DDX46: variants seen among roughly 807,000 people sequenced by gnomAD.
DDX46 encodes the protein probable ATP-dependent RNA helicase DDX46.
DDX46 carries 30 observed loss-of-function variants against 134.9 expected under a neutral mutation model. That is an observed-to-expected ratio of 0.22 (90% CI 0.17 to 0.30). DDX46 has a LOEUF of 0.30. Ranked by LOEUF, DDX46 falls within the 10% of genes least tolerant of loss-of-function variation. The pLI is 1.00. For synonymous variants in DDX46, 415 were observed against 404.1 expected (o/e 1.03, Z -0.32); for missense variants, 622 against 1,248.7 (o/e 0.50, Z 7.56).
chr5:134,789,653 C>T (rs1754446685), intron 12 of DDX46, among the ~76,000 whole-genome samples: 1 of 151,318 alleles, frequency 6.6e-6, no homozygotes, highest in Middle Eastern at 3.4e-3. Context: ...TTAATTTTAC[C>T]TTTTTCTCTT....
intron 12 of DDX46, 143 bp from the exon 13 acceptor site, chr5:134,790,327 T>C (rs555025229): frequency 2.9e-6 from 2 of 695,420 alleles, no homozygotes; most frequent in Admixed American, 2.9e-5. Flanking sequence ...TCTTTTCACT[T>C]TTTAAAGATA....
chr5:134,811,635 A>G (rs1292902791), intron 17 of DDX46, 61 bp from the exon 18 acceptor site: 1 of 1,507,642 alleles, frequency 6.6e-7, no homozygotes, highest in African/African-American at 1.4e-5. Context: ...TTTAATTAGT[A>G]TGAATTCCTA....
At chr5:134,797,250 T>A in intron 15 of DDX46, 1 of 238,138 alleles carries the variant, frequency 4.2e-6, no homozygotes, top group Non-Finnish European at 8.3e-6. Context: ...AACTAAGTGT[T>A]CTGGCTATCA....
chr5:134,765,144 C>G (rs778360902), intron 2 of DDX46, among the ~76,000 whole-genome samples: 1 of 150,668 alleles, frequency 6.6e-6, no homozygotes, highest in Non-Finnish European at 1.5e-5. Flanking sequence ...TCTAGGCTCA[C>G]TGGAACCTCT....
At chr5:134,771,914 T>C (rs1444072963) in intron 4 of DDX46, among the ~76,000 whole-genome samples, 1 of 152,160 alleles carries the variant, frequency 6.6e-6, no homozygotes, top group African/African-American at 2.4e-5. Context: ...CATTATCAAT[T>C]GCCTTCCAAA....
chr5:134,778,966 G>A (rs949691499), intron 6 of DDX46, among the ~76,000 whole-genome samples: 2 of 151,748 alleles, frequency 1.3e-5, no homozygotes, highest in African/African-American at 2.4e-5. Context: ...GTGTAATCTC[G>A]GCTCACTGCA....
At chr5:134,805,210 G>A (rs1230656913) in intron 15 of DDX46, 4 of 164,086 alleles carry the variant, frequency 2.4e-5, no homozygotes, top group Non-Finnish European at 5.2e-5. Flanking sequence ...TTGCTCTGTC[G>A]CCCAGGCTGG....
intron 15 of DDX46, among the ~76,000 whole-genome samples, chr5:134,803,869 G>A (rs547290536): frequency 2.7e-5 from 4 of 149,418 alleles, no homozygotes; most frequent in African/African-American, 7.4e-5. Context: ...TATCCTATGC[G>A]TAAGCCTCAT....
In DDX46 at chr5:134,784,774, C is replaced by T. The variant is rs928810350; in HGVS notation, c.1342+233C>T. On this transcript the variant is annotated intron_variant, in intron 10 of 22. Transcript: ENST00000452510. ...AAAAACAGCCTCTCCTGGCACAGCT[C>T]AGTTTTTAAACTCTGACTTGGCAGG... The T allele has an allele frequency of 9.4e-5, 25 of 265,736 alleles. No individual in the cohort carries two copies. The Admixed American group carries it at 1.2e-3, about 12-fold the overall frequency. 16.5% of individuals were successfully genotyped at this position (265,736 alleles called of 1,614,324 possible). A position where few individuals can be genotyped will look rare whatever the true frequency, so the allele number is the denominator to read the frequency against.
intron 1 of DDX46, among the ~76,000 whole-genome samples, chr5:134,760,188 C>T (rs1753333270): frequency 6.6e-6 from 1 of 152,070 alleles, no homozygotes; most frequent in Admixed American, 6.6e-5. Context: ...CTACTGCTTC[C>T]AAGATGAAAT....
intron 4 of DDX46, 34 bp from the exon 5 acceptor site, chr5:134,773,662 T>C (rs1050693056): frequency 1.3e-6 from 2 of 1,547,326 alleles, no homozygotes; most frequent in Non-Finnish European, 8.7e-7. Flanking sequence ...CTTTTTATTT[T>C]CCCCCATCTC....
chr5:134,781,904 T>C lies in DDX46; in HGVS notation c.880-17T>C, dbSNP rs79144829. Reference sequence around the variant, plus strand: ...AGTAATGAACTTAGCGCTTTAATTTTTTCTTTTAAACTATAGTATTCTTCA... The same window carrying C: ...AGTAATGAACTTAGCGCTTTAATTTCTTCTTTTAAACTATAGTATTCTTCA... On this transcript the variant is annotated splice_polypyrimidine_tract_variant and intron_variant, in intron 7 of 22. Coordinates refer to ENST00000452510, the MANE Select transcript of DDX46 (RefSeq NM_001300860.2). The C allele has an allele frequency of 1.9e-3, 3,084 of 1,591,656 alleles. 36 individuals carry two copies. In the African/African-American group the frequency reaches 0.031, roughly 16 times the overall value.
At chr5:134,823,394 C>T (rs527763193) in intron 21 of DDX46, among the ~76,000 whole-genome samples, 2 of 152,188 alleles carry the variant, frequency 1.3e-5, no homozygotes, top group East Asian at 3.9e-4. Flanking sequence ...CTGCCTTGGC[C>T]TCCCAAAGTG....
At chr5:134,799,248 TAGG>T (rs1473441202) in intron 15 of DDX46, among the ~76,000 whole-genome samples, 1 of 152,102 alleles carries the variant, frequency 6.6e-6, no homozygotes, top group Admixed American at 6.6e-5. Context: ...TTCAAATAAA[TAGG>T]AGATCAGGTT....
chr5:134,797,197 A>C (rs893752157), intron 15 of DDX46: 17 of 269,998 alleles, frequency 6.3e-5, no homozygotes, highest in Non-Finnish European at 9.1e-5. Flanking sequence ...AAAAAAAAAA[A>C]CACAAAACAC....
Position 134,828,806 on chromosome 5 carries a change from C to A in DDX46, c.*100C>A. The stretch of plus-strand genomic sequence containing the variant: ...ATTGTAAATGAAGATTTTTTAAATT[C>A]TATCTTGCTGATTTTTTTTAAATAT... On this transcript the variant is annotated 3_prime_UTR_variant, in exon 23 of 23. Transcript: ENST00000452510. The A allele has an allele frequency of 1.1e-6, 1 of 901,090 alleles. No homozygotes were observed. Among genetic ancestry groups the A allele is most frequent in the Non-Finnish European group, 1.5e-6 (1 of 653,868 alleles). The allele number at this position is 901,090 out of a possible 1,614,324, so 55.8% of individuals were successfully genotyped here.
intron 11 of DDX46, among the ~76,000 whole-genome samples, chr5:134,786,521 T>C (rs1191285490): frequency 1.3e-5 from 2 of 152,120 alleles, no homozygotes; most frequent in African/African-American, 4.8e-5. Context: ...CTCTGAGCAT[T>C]TGTTTCTCTA....
At chr5:134,827,545 T>A (rs1458501374) in intron 22 of DDX46, among the ~76,000 whole-genome samples, 1 of 152,224 alleles carries the variant, frequency 6.6e-6, no homozygotes, top group African/African-American at 2.4e-5. Context: ...AGTGCTGGGA[T>A]TACAGGCGTG....
At chr5:134,828,559 T>C (rs957449122) in intron 22 of DDX46, 100 bp from the exon 23 acceptor site, 45 of 723,720 alleles carry the variant, frequency 6.2e-5, no homozygotes, top group Non-Finnish European at 8.7e-5. Context: ...TCTTAAATAT[T>C]TCCTTTTGGG....
Sources: allele counts gnomAD v4.1 joint callset (sites outside exome capture counted in the v4.1 genomes callset), GRCh38; gene constraint gnomAD v4.1.1; transcripts MANE v1.5; gene names NCBI Gene and HGNC (gene_info 2026-07-23, HGNC 2026-07-21).